The following ATP8B4 variants were observed in gnomAD, a reference collection of about 807,000 sequenced individuals.
ATP8B4 encodes probable phospholipid-transporting ATPase IM.
ATP8B4 carries 133 observed loss-of-function variants against 145.6 expected under a neutral mutation model. That is an observed-to-expected ratio of 0.91 (90% CI 0.79 to 1.05). The LOEUF (loss-of-function observed/expected upper bound fraction) is 1.05. ATP8B4 is among the 50% of genes least tolerant of loss of function. The probability of loss-of-function intolerance (pLI) is 0.00; values close to 1 mark genes in which losing one functional copy is unlikely to be tolerated. For missense variants in ATP8B4, 1,458 were observed against 1,425.2 expected (o/e 1.02, Z -0.37); for synonymous variants, 507 against 492.9 (o/e 1.03, Z -0.38).
rs757933029 is a variant in ATP8B4 at position 49,979,616 on chromosome 15, C to T, written c.1034+1G>A. ...CATTAAAATATAAACTCTCATCTTA[C>T]CTCACATATAAGGAAATGGGTACAA... is the stretch of plus-strand genomic sequence containing the variant. On this transcript the variant is annotated splice_donor_variant, in intron 12 of 27. Coordinates refer to ENST00000284509, the MANE Select transcript of ATP8B4 (RefSeq NM_024837.4). LOFTEE classifies it high-confidence loss of function. The T allele has an allele frequency of 3.4e-6, 5 of 1,456,946 alleles. No individual in the cohort carries two copies. Among genetic ancestry groups the T allele is most frequent in the Non-Finnish European group, 4.6e-6 (5 of 1,081,082 alleles). 90.3% of individuals were successfully genotyped at this position (1,456,946 alleles called of 1,614,324 possible). A position where few individuals can be genotyped will look rare whatever the true frequency, so the allele number is the denominator to read the frequency against.
At chr15:50,098,189 G>A (rs1433055761) in intron 2 of ATP8B4, among the ~76,000 whole-genome samples, 1 of 146,828 alleles carries the variant, frequency 6.8e-6, no homozygotes, top group African/African-American at 2.5e-5. Flanking sequence ...GTATGTGTAA[G>A]CTGCCAAGAA....
At chr15:49,863,682 T>A (rs1228471639) in intron 26 of ATP8B4, among the ~76,000 whole-genome samples, 1 of 152,136 alleles carries the variant, frequency 6.6e-6, no homozygotes, top group Non-Finnish European at 1.5e-5. Flanking sequence ...CCTTCAGCCA[T>A]GGGCAGAAAC....
chr15:50,023,408 A>G (rs1487346334), intron 6 of ATP8B4, among the ~76,000 whole-genome samples: 1 of 152,128 alleles, frequency 6.6e-6, no homozygotes, highest in Non-Finnish European at 1.5e-5. Context: ...AATTTAACAC[A>G]AGCAAATCTG....
intron 16 of ATP8B4, 99 bp downstream of exon 16, chr15:49,931,020 C>T: frequency 7.6e-7 from 1 of 1,320,220 alleles, no homozygotes; most frequent in Non-Finnish European, 1.0e-6. Flanking sequence ...TCAAAACTAT[C>T]ACAACCCTCA....
At chr15:50,156,049 T>G (rs2044405804) in intron 1 of ATP8B4, among the ~76,000 whole-genome samples, 2 of 130,984 alleles carry the variant, frequency 1.5e-5, no homozygotes, top group African/African-American at 2.8e-5. Context: ...TAGCCCTGAA[T>G]TCTTGGTAAT....
At chr15:50,034,314 T>TC (rs2153596270) in intron 6 of ATP8B4, among the ~76,000 whole-genome samples, 1 of 142,384 alleles carries the variant, frequency 7.0e-6, no homozygotes, top group Admixed American at 7.2e-5. Flanking sequence ...CACTGCAACC[T>TC]CCCCCTCTGG....
At chr15:50,115,463 A>G (rs1202312605) in intron 1 of ATP8B4, among the ~76,000 whole-genome samples, 2 of 152,108 alleles carry the variant, frequency 1.3e-5, no homozygotes, top group African/African-American at 2.4e-5. Flanking sequence ...GTCAGCGAAG[A>G]CCTCACAGAT....
chr15:50,011,031 T>C, intron 6 of ATP8B4, 114 bp from the exon 7 acceptor site: 1 of 643,284 alleles, frequency 1.6e-6, no homozygotes, highest in Non-Finnish European at 2.5e-6. Context: ...AAGACTTTCC[T>C]AGTATGTTAA....
chr15:49,981,093 C>A, intron 11 of ATP8B4, 113 bp downstream of exon 11: 1 of 894,936 alleles, frequency 1.1e-6, no homozygotes, highest in Non-Finnish European at 1.7e-6. Flanking sequence ...TGCAAAATCC[C>A]CAAAAACAAA....
intron 3 of ATP8B4, among the ~76,000 whole-genome samples, chr15:50,066,341 C>T (rs929863466): frequency 1.3e-5 from 2 of 152,054 alleles, no homozygotes; most frequent in African/African-American, 4.8e-5. Context: ...TGCCCCAATA[C>T]AAAAAAGCAA....
intron 1 of ATP8B4, among the ~76,000 whole-genome samples, chr15:50,160,182 A>G (rs2044495784): frequency 6.6e-6 from 1 of 151,802 alleles, no homozygotes; most frequent in Admixed American, 6.6e-5. Context: ...ATTTATTGGC[A>G]TATAGCTGCT....
At chr15:49,962,380 A>G (rs1445088359) in intron 13 of ATP8B4, among the ~76,000 whole-genome samples, 5 of 152,220 alleles carry the variant, frequency 3.3e-5, no homozygotes, top group African/African-American at 1.2e-4. Context: ...ATCCAAAATG[A>G]TATCCTTGCC....
rs1336897571 is a variant in ATP8B4 at position 50,087,131 on chromosome 15, AG to A, written c.29-12947del. Among the ~76,000 whole-genome samples the A allele has an allele frequency of 2.0e-3, 253 of 127,034 alleles. 4 individuals carry two copies. Among genetic ancestry groups the A allele is most frequent in the African/African-American group, 7.4e-3 (238 of 32,200 alleles). The allele number at this position is 127,034 out of a possible 152,430, so 83.3% of individuals were successfully genotyped here. On this transcript the variant is annotated intron_variant, in intron 2 of 27. Transcript: ENST00000284509. Reference sequence around the variant, plus strand: ...ATTATATTTATTATATATAATATATAGATCTATATTTATTATATATAATATA... The same window carrying A: ...ATTATATTTATTATATATAATATATAATCTATATTTATTATATATAATATA...
chr15:49,904,629 C>T (rs550297462), intron 20 of ATP8B4, among the ~76,000 whole-genome samples: 6 of 152,214 alleles, frequency 3.9e-5, no homozygotes, highest in Admixed American at 3.9e-4. Context: ...GCTTTATGGC[C>T]AACATGATGT....
chr15:50,013,888 C>A (rs1467659676), intron 6 of ATP8B4, among the ~76,000 whole-genome samples: 1 of 152,162 alleles, frequency 6.6e-6, no homozygotes, highest in Admixed American at 6.5e-5. Context: ...AGCTGCTAGA[C>A]TTCACTGAAA....
intron 2 of ATP8B4, among the ~76,000 whole-genome samples, chr15:50,106,205 C>T (rs1304722902): frequency 6.6e-6 from 1 of 152,160 alleles, no homozygotes; most frequent in Non-Finnish European, 1.5e-5. Flanking sequence ...AGCCTTTAGT[C>T]TCTAAAGAGT....
intron 2 of ATP8B4, among the ~76,000 whole-genome samples, chr15:50,105,108 G>A (rs1414972820): frequency 6.6e-6 from 1 of 152,024 alleles, no homozygotes; most frequent in Non-Finnish European, 1.5e-5. Context: ...GGGAAAGGGT[G>A]GCAGGGAGAG....
chr15:50,036,543 A>G (rs1285566594), intron 6 of ATP8B4, among the ~76,000 whole-genome samples: 1 of 152,242 alleles, frequency 6.6e-6, no homozygotes, highest in Non-Finnish European at 1.5e-5. Context: ...AAATCCAAAA[A>G]GTGAAAAGCC....
chr15:50,047,081 A>G (rs1308685696), intron 4 of ATP8B4, among the ~76,000 whole-genome samples: 1 of 152,250 alleles, frequency 6.6e-6, no homozygotes, highest in Admixed American at 6.5e-5. Context: ...GGCTGTGAAC[A>G]GTAATTATTA....
Sources: gnomAD v4.1 joint callset for allele counts (sites outside exome capture counted in the v4.1 genomes callset) on GRCh38, gnomAD v4.1.1 for gene constraint, MANE v1.5 for transcripts, NCBI Gene and HGNC (gene_info 2026-07-23, HGNC 2026-07-21) for gene names.